Variants in SLIT3 observed in about 807,000 individuals in gnomAD.
SLIT3 encodes the protein slit homolog 3 protein.
A neutral mutation model predicts 184.0 loss-of-function variants in SLIT3; 68 were observed. The ratio of observed to expected loss-of-function variants is 0.37; its 90% confidence interval spans 0.30 to 0.45. SLIT3 has a LOEUF of 0.45. SLIT3 is among the 20% of genes least tolerant of loss of function. The pLI, the probability that SLIT3 is intolerant of heterozygous loss-of-function variation, is 1.00. For synonymous variants in SLIT3, 831 were observed against 828.6 expected (o/e 1.00, Z -0.05); for missense variants, 1,707 against 2,026.0 (o/e 0.84, Z 3.02).
chr5:169,162,258 C>A (rs1762505420), intron 4 of SLIT3, among the ~76,000 whole-genome samples: 1 of 152,128 alleles, frequency 6.6e-6, no homozygotes, highest in Non-Finnish European at 1.5e-5. Context: ...ATTATCCAGC[C>A]CCATGCAGAA....
intron 4 of SLIT3, among the ~76,000 whole-genome samples, chr5:169,089,069 T>C (rs569393480): frequency 7.8e-6 from 1 of 127,964 alleles, no homozygotes; most frequent in African/African-American, 2.8e-5. Context: ...GTGCTGACTC[T>C]GATTCTCCAG....
At chr5:169,267,908 C>T (rs1357205903) in intron 1 of SLIT3, among the ~76,000 whole-genome samples, 1 of 152,222 alleles carries the variant, frequency 6.6e-6, no homozygotes, top group Non-Finnish European at 1.5e-5. Context: ...CTCCCAAGTC[C>T]AACCAGTCAC....
intron 12 of SLIT3, among the ~76,000 whole-genome samples, chr5:168,774,937 C>T (rs539729026): frequency 6.6e-6 from 1 of 152,256 alleles, no homozygotes; most frequent in South Asian, 2.1e-4. Context: ...TGCACACCCA[C>T]AGAGAGCACA....
chr5:169,219,057 T>C (rs1264738051), intron 3 of SLIT3, among the ~76,000 whole-genome samples: 1 of 152,174 alleles, frequency 6.6e-6, no homozygotes, highest in Non-Finnish European at 1.5e-5. Flanking sequence ...AACAACAGAA[T>C]GGACCCTGAA....
intron 28 of SLIT3, among the ~76,000 whole-genome samples, chr5:168,695,348 C>G (rs1443317936): frequency 6.6e-6 from 1 of 152,196 alleles, no homozygotes; most frequent in South Asian, 2.1e-4. Flanking sequence ...AAAGGGGAAG[C>G]TCTGAGATCA....
chr5:168,907,768 T>C (rs1221264626), intron 4 of SLIT3, among the ~76,000 whole-genome samples: 2 of 151,804 alleles, frequency 1.3e-5, no homozygotes, highest in Non-Finnish European at 2.9e-5. Context: ...CTTTCTTCTA[T>C]GGATAAATTA....
At chr5:168,974,702 CT>C (rs1468451326) in intron 4 of SLIT3, among the ~76,000 whole-genome samples, 4 of 152,216 alleles carry the variant, frequency 2.6e-5, no homozygotes, top group African/African-American at 9.6e-5. Flanking sequence ...GTGGTCACTT[CT>C]CTCTTTAGGG....
chr5:168,923,647 G>T (rs772065152), intron 4 of SLIT3, among the ~76,000 whole-genome samples: 2 of 151,878 alleles, frequency 1.3e-5, no homozygotes, highest in Non-Finnish European at 2.9e-5. Context: ...CTCTCAGTTA[G>T]CTGGGATTAC....
At chr5:168,982,625 G>GA (rs941533937) in intron 4 of SLIT3, among the ~76,000 whole-genome samples, 1 of 152,122 alleles carries the variant, frequency 6.6e-6, no homozygotes, top group African/African-American at 2.4e-5. Context: ...AGTCTTTTAA[G>GA]AAAAAAATCC....
At chr5:169,119,317 C>A (rs997718272) in intron 4 of SLIT3, among the ~76,000 whole-genome samples, 14 of 152,116 alleles carry the variant, frequency 9.2e-5, no homozygotes, top group African/African-American at 3.4e-4. Flanking sequence ...AGGAGCACCC[C>A]CTAGAATGAG....
chr5:168,729,931 G>A (rs554935579), intron 20 of SLIT3, among the ~76,000 whole-genome samples: 7 of 152,152 alleles, frequency 4.6e-5, no homozygotes, highest in African/African-American at 1.7e-4. Context: ...CAGATTGTCA[G>A]AATGGATAAA....
intron 4 of SLIT3, among the ~76,000 whole-genome samples, chr5:169,053,614 A>G (rs1233584579): frequency 1.3e-5 from 2 of 152,066 alleles, no homozygotes; most frequent in East Asian, 1.9e-4. Flanking sequence ...TTTCTAGATT[A>G]CCCTCTCTCC....
chr5:168,914,948 G>GAAACTAATTCA (rs1213660277), intron 4 of SLIT3, among the ~76,000 whole-genome samples: 1 of 152,026 alleles, frequency 6.6e-6, no homozygotes, highest in African/African-American at 2.4e-5. Context: ...TTAAATGCTA[G>GAAACTAATTCA]AAACTAATTC....
At chr5:169,221,506 A>G (rs1301823340) in intron 3 of SLIT3, among the ~76,000 whole-genome samples, 1 of 152,198 alleles carries the variant, frequency 6.6e-6, no homozygotes, top group African/African-American at 2.4e-5. Context: ...AGAGATGCCA[A>G]GACAATGTTA....
chr5:168,781,220 A>G (rs917662143), intron 12 of SLIT3, among the ~76,000 whole-genome samples: 6 of 152,196 alleles, frequency 3.9e-5, no homozygotes, highest in African/African-American at 1.4e-4. Context: ...TTCCTAAGGG[A>G]AACAGATGAA....
chr5:169,284,859 T>G (rs901053757), intron 1 of SLIT3, among the ~76,000 whole-genome samples: 9 of 152,238 alleles, frequency 5.9e-5, no homozygotes, highest in Non-Finnish European at 1.3e-4. Flanking sequence ...TGTCTTTATG[T>G]CTTTTTTTTA....
At chr5:169,164,269 T>TTA (rs1345514496) in intron 4 of SLIT3, among the ~76,000 whole-genome samples, 2 of 152,196 alleles carry the variant, frequency 1.3e-5, no homozygotes, top group African/African-American at 4.8e-5. Context: ...AAATGGGATC[T>TTA]TAAATATTTC....
intron 23 of SLIT3, among the ~76,000 whole-genome samples, chr5:168,715,930 C>G (rs1360705216): frequency 1.3e-5 from 2 of 151,966 alleles, no homozygotes; most frequent in African/African-American, 2.4e-5. Context: ...CCTTGGCCCC[C>G]CAAAGTGCTG....
At chr5:168,952,537 A>G (rs1242485757) in intron 4 of SLIT3, among the ~76,000 whole-genome samples, 1 of 143,856 alleles carries the variant, frequency 7.0e-6, no homozygotes, top group African/African-American at 2.9e-5. Context: ...CCAAAAAAAA[A>G]AAAAAAAAAA....
Sources: gnomAD v4.1 joint callset for allele counts (sites outside exome capture counted in the v4.1 genomes callset) on GRCh38, gnomAD v4.1.1 for gene constraint, MANE v1.5 for transcripts, NCBI Gene and HGNC (gene_info 2026-07-23, HGNC 2026-07-21) for gene names.